EBF1: variants seen among roughly 807,000 people sequenced by gnomAD.
The protein encoded by EBF1 is EBF transcription factor 1.
Under a neutral mutation model 68.4 loss-of-function variants are expected in EBF1, and 10 were observed. The observed-to-expected ratio is 0.15, with a 90% CI of 0.09 to 0.25. EBF1 has a LOEUF of 0.25. Ranked by LOEUF, EBF1 falls within the 10% of genes least tolerant of loss-of-function variation. EBF1 has a pLI of 1.00. For synonymous variants in EBF1, 298 were observed against 299.8 expected (o/e 0.99, Z 0.06); for missense variants, 509 against 794.4 (o/e 0.64, Z 4.32).
At chr5:158,733,493 G>A (rs1343450941) in intron 10 of EBF1, among the ~76,000 whole-genome samples, 1 of 152,024 alleles carries the variant, frequency 6.6e-6, no homozygotes, top group South Asian at 2.1e-4. Context: ...AGGAATGACC[G>A]ACAATATCAG....
At chr5:159,079,263 T>C (rs570040805) in intron 5 of EBF1, among the ~76,000 whole-genome samples, 22 of 152,192 alleles carry the variant, frequency 1.4e-4, no homozygotes, top group Non-Finnish European at 3.1e-4. Flanking sequence ...CACCAAGGAC[T>C]CCTCTTCTGT....
At chr5:159,007,635 C>T (rs1031502097) in intron 6 of EBF1, among the ~76,000 whole-genome samples, 4 of 152,172 alleles carry the variant, frequency 2.6e-5, no homozygotes, top group East Asian at 1.9e-4. Flanking sequence ...ATATATTCCT[C>T]CATGAATGAC....
chr5:158,740,699 T>G (rs1766146990), intron 10 of EBF1, among the ~76,000 whole-genome samples: 1 of 152,208 alleles, frequency 6.6e-6, no homozygotes, highest in Admixed American at 6.5e-5. Flanking sequence ...AGCTTCAACT[T>G]AAATAGCATC....
At chr5:158,811,772 C>T (rs1782717740) in intron 8 of EBF1, among the ~76,000 whole-genome samples, 1 of 152,126 alleles carries the variant, frequency 6.6e-6, no homozygotes, top group Non-Finnish European at 1.5e-5. Context: ...AAAGAGTAAA[C>T]AACCTATGGA....
chr5:158,769,897 A>T (rs1427360590), intron 10 of EBF1, among the ~76,000 whole-genome samples: 1 of 152,122 alleles, frequency 6.6e-6, no homozygotes, highest in Non-Finnish European at 1.5e-5. Context: ...TGTTGGGTCT[A>T]TTCCAATTAG....
chr5:159,064,553 T>C (rs1405003122), intron 6 of EBF1, among the ~76,000 whole-genome samples: 2 of 152,146 alleles, frequency 1.3e-5, no homozygotes, highest in Admixed American at 6.6e-5. Flanking sequence ...GGAAGTGCCA[T>C]TTAGGTGTAA....
At chr5:158,908,628 T>C (rs1352939389) in intron 6 of EBF1, among the ~76,000 whole-genome samples, 3 of 152,248 alleles carry the variant, frequency 2.0e-5, no homozygotes, top group Non-Finnish European at 4.4e-5. Flanking sequence ...ACCCTGACAG[T>C]TCCCAACCTC....
intron 2 of EBF1, 41 bp downstream of exon 2, chr5:159,096,933 C>A (rs1782728815): frequency 4.4e-6 from 7 of 1,604,878 alleles, no homozygotes; most frequent in Non-Finnish European, 5.1e-6. Flanking sequence ...TGCTCCCGAG[C>A]CGAGCCGGGG....
chr5:159,029,709 C>A lies in EBF1; in HGVS notation c.554+43687G>T, dbSNP rs529762885. On this transcript the variant is annotated intron_variant, in intron 6 of 15. Transcript: ENST00000313708. ...ATGGCTCATGCCTGTAATCCTAACACTTTGGAAGCCCAAGGCGGGTGGATC... is the reference window on the plus strand; with the variant it reads ...ATGGCTCATGCCTGTAATCCTAACAATTTGGAAGCCCAAGGCGGGTGGATC... Among the ~76,000 whole-genome samples, 6 of 146,342 alleles carry A rather than the reference C, an allele frequency of 4.1e-5. No individual in the cohort carries two copies. The East Asian group carries it at 1.2e-3, about 28-fold the overall frequency.
chr5:158,949,370 T>C (rs1815504457), intron 6 of EBF1, among the ~76,000 whole-genome samples: 1 of 152,208 alleles, frequency 6.6e-6, no homozygotes, highest in Non-Finnish European at 1.5e-5. Context: ...GGCTCACATC[T>C]GTAATCCCAA....
intron 7 of EBF1, among the ~76,000 whole-genome samples, chr5:158,828,333 T>C (rs1786675167): frequency 6.6e-6 from 1 of 152,192 alleles, no homozygotes; most frequent in Admixed American, 6.5e-5. Context: ...TACCTTAGAA[T>C]GTGACTGTAT....
At chr5:158,782,235 A>C (rs1416163345) in intron 9 of EBF1, among the ~76,000 whole-genome samples, 1 of 152,200 alleles carries the variant, frequency 6.6e-6, no homozygotes, top group African/African-American at 2.4e-5. Context: ...TTATACTGTT[A>C]TGATATTGAT....
At chr5:158,925,347 G>A (rs1448278245) in intron 6 of EBF1, among the ~76,000 whole-genome samples, 1 of 152,168 alleles carries the variant, frequency 6.6e-6, no homozygotes, top group East Asian at 1.9e-4. Flanking sequence ...TTATTGCCAG[G>A]AATAAAGCAA....
chr5:158,942,985 GA>G (rs1162247444), intron 6 of EBF1, among the ~76,000 whole-genome samples: 1 of 124,006 alleles, frequency 8.1e-6, no homozygotes, highest in African/African-American at 3.0e-5. Context: ...GAAGGAGGAA[GA>G]GAGGAAGGGA....
At chr5:158,910,715 T>C (rs1805786464) in intron 6 of EBF1, among the ~76,000 whole-genome samples, 1 of 152,236 alleles carries the variant, frequency 6.6e-6, no homozygotes, top group African/African-American at 2.4e-5. Flanking sequence ...TTATGGTTTA[T>C]GGAAAAACCT....
chr5:159,063,429 C>T (rs1315799085), intron 6 of EBF1, among the ~76,000 whole-genome samples: 3 of 152,148 alleles, frequency 2.0e-5, no homozygotes, highest in South Asian at 2.1e-4. Context: ...ATCATGATCC[C>T]AGTGTAAAAT....
rs1780865085 is a variant in EBF1 at position 158,802,870 on chromosome 5, T to TC, written c.779-6396dup. On this transcript the variant is annotated intron_variant, in intron 8 of 15. Coordinates refer to ENST00000313708, the MANE Select transcript of EBF1 (RefSeq NM_024007.5). ...TGCTGCTATAATAATTACCATCAGC[T>TC]CCCCATTAACTAGAGTTTATTTACG... is the stretch of plus-strand genomic sequence containing the variant. Among the ~76,000 whole-genome samples the TC allele has an allele frequency of 3.3e-5, 5 of 152,212 alleles. 1 individual carries two copies. In the South Asian group the frequency reaches 8.3e-4, roughly 25 times the overall value.
intron 11 of EBF1, among the ~76,000 whole-genome samples, chr5:158,714,929 CTT>C (rs1382118367): frequency 6.6e-6 from 1 of 152,126 alleles, no homozygotes; most frequent in Non-Finnish European, 1.5e-5. Context: ...ATATCTCCCT[CTT>C]TTTACTTAGG....
At chr5:158,774,108 G>T (rs1227159642) in intron 10 of EBF1, among the ~76,000 whole-genome samples, 1 of 152,176 alleles carries the variant, frequency 6.6e-6, no homozygotes, top group Non-Finnish European at 1.5e-5. Flanking sequence ...TTCTAATCCA[G>T]TCAGGATTCA....
Sources: allele counts gnomAD v4.1 joint callset (sites outside exome capture counted in the v4.1 genomes callset), GRCh38; gene constraint gnomAD v4.1.1; transcripts MANE v1.5; gene names NCBI Gene and HGNC (gene_info 2026-07-23, HGNC 2026-07-21).